PARP2: variants seen among roughly 807,000 people sequenced by gnomAD.
PARP2 encodes poly(ADP-ribose) polymerase 2.
Under a neutral mutation model 77.8 loss-of-function variants are expected in PARP2, and 57 were observed. That is an observed-to-expected ratio of 0.73 (90% CI 0.59 to 0.91). PARP2 has a LOEUF of 0.91. PARP2 is among the 40% of genes least tolerant of loss of function. PARP2 has a pLI of 0.00. For synonymous variants in PARP2, 226 were observed against 242.6 expected (o/e 0.93, Z 0.64); for missense variants, 651 against 689.0 (o/e 0.94, Z 0.62).
chr14:20,354,620 C>A (rs1387833514), intron 8 of PARP2, 189 bp from the exon 9 acceptor site: 1 of 585,458 alleles, frequency 1.7e-6, no homozygotes, highest in Non-Finnish European at 3.0e-6. Flanking sequence ...CACCGGAGCC[C>A]AGGAGGTTGA....
chr14:20,344,596 T>C (rs1368077047), intron 1 of PARP2, among the ~76,000 whole-genome samples: 1 of 152,140 alleles, frequency 6.6e-6, no homozygotes, highest in Non-Finnish European at 1.5e-5. Flanking sequence ...GCAGATCACT[T>C]GAGGTCACGA....
At chr14:20,346,321 C>CTT (rs71108595) in intron 3 of PARP2, among the ~76,000 whole-genome samples, 1,005 of 90,800 alleles carry the variant, frequency 0.011, 10 homozygotes, top group Non-Finnish European at 0.014. Context: ...CAGTTAGAAT[C>CTT]TTTTTTTTTT....
In PARP2 at chr14:20,356,327, A is replaced by G. The variant is rs758742046; in HGVS notation, c.1122A>G (p.Gln374=). Residue 374 remains glutamine (Q), a synonymous_variant, in exon 12 of 16, where the codon CAA becomes CAG. Transcript: ENST00000429687. The part of the protein sequence containing the change: ...YEFKVISQYL[Q]STHAPTHSDY... Reference sequence around the variant, plus strand: ...CACAGGTGATTTCCCAGTACCTACAATCTACCCATGCTCCCACACACAGCG... The same window carrying G: ...CACAGGTGATTTCCCAGTACCTACAGTCTACCCATGCTCCCACACACAGCG... 1.2e-6 allele frequency: 2 copies of G among 1,614,102 alleles called. No individual in the cohort carries two copies. The highest frequency in any genetic ancestry group is 1.3e-5 in the African/African-American group (1 of 75,052).
At chr14:20,356,224 G>C (rs1209396408) in intron 11 of PARP2, 83 bp from the exon 12 acceptor site, 1 of 1,532,764 alleles carries the variant, frequency 6.5e-7, no homozygotes, top group East Asian at 2.3e-5. Flanking sequence ...GGTCTGCCAA[G>C]TTATATCAGA....
At chr14:20,357,015 T>G (rs1238129063) in intron 13 of PARP2, 36 bp from the exon 14 acceptor site, 2 of 1,320,274 alleles carry the variant, frequency 1.5e-6, no homozygotes. Context: ...CACAGTGGGT[T>G]AGAAGCTGAC....
chr14:20,354,705 A>G, intron 8 of PARP2, 104 bp from the exon 9 acceptor site: 1 of 1,154,588 alleles, frequency 8.7e-7, no homozygotes, highest in Non-Finnish European at 1.2e-6. Context: ...AAAAACAGGA[A>G]AAAAAAAAGT....
At chr14:20,347,344 A>ATG (rs1491263339) in intron 4 of PARP2, among the ~76,000 whole-genome samples, 36 of 63,936 alleles carry the variant, frequency 5.6e-4, no homozygotes, top group African/African-American at 1.9e-3. Flanking sequence ...AAAGTCCTTC[A>ATG]TATGTGTGTG....
intron 7 of PARP2, 68 bp downstream of exon 7, chr14:20,352,415 CTG>C (rs1883990821): frequency 8.1e-6 from 8 of 982,554 alleles, no homozygotes; most frequent in African/African-American, 6.5e-5. Flanking sequence ...AGAGGCAAAA[CTG>C]TGCTCTGTTG....
At chr14:20,350,987 C>A in intron 5 of PARP2, 60 bp from the exon 6 acceptor site, 2 of 1,293,450 alleles carry the variant, frequency 1.5e-6, no homozygotes, top group East Asian at 2.3e-5. Context: ...GCAGAGAGAT[C>A]TTGGAGAGCT....
chr14:20,345,846 G>GGA (rs148327921), intron 3 of PARP2, among the ~76,000 whole-genome samples: 2 of 151,630 alleles, frequency 1.3e-5, no homozygotes, highest in East Asian at 1.9e-4. Context: ...CAAAAGCAGG[G>GGA]GAGAGAGAGA....
At chr14:20,350,743 G>T in intron 5 of PARP2, 121 bp downstream of exon 5, 1 of 664,304 alleles carries the variant, frequency 1.5e-6, no homozygotes, top group Middle Eastern at 2.5e-4. Flanking sequence ...GTCTGGGAGA[G>T]CCTTAGGAAT....
rs1198897809 is a variant in PARP2, at chr14:20,356,847, T to C, written c.1329+158T>C. The C allele has an allele frequency of 8.6e-6, 6 of 698,462 alleles. No homozygotes were observed. The East Asian group carries it at 1.6e-4, about 19-fold the overall frequency. 43.3% of individuals were successfully genotyped at this position (698,462 alleles called of 1,614,324 possible). On this transcript the variant is annotated intron_variant, in intron 13 of 15. Coordinates refer to ENST00000429687, the MANE Select transcript of PARP2 (RefSeq NM_001042618.2). ...ATCTCTTACTGTGTCCCTCTTTCTT[T>C]AAATTCCTAAAGATACCTCACCTTT...
rs768032372 is a variant in PARP2 at position 20,354,259 on chromosome 14, C to T, written c.763+12C>T. 9.4e-6 allele frequency: 15 copies of T among 1,599,800 alleles called. No homozygotes were observed. Among genetic ancestry groups the T allele is most frequent in the African/African-American group, 1.3e-5 (1 of 74,470 alleles). The stretch of plus-strand genomic sequence containing the variant: ...GAAAGCCCCACTTGGTAGGACTTCA[C>T]ATTTTCTTCTGCATTCTCTCCTTAT... On this transcript the variant is annotated intron_variant, in intron 8 of 15. Coordinates refer to ENST00000429687, the MANE Select transcript of PARP2 (RefSeq NM_001042618.2).
rs771483293 is a variant in PARP2 at position 20,351,034 on chromosome 14, A to T, written c.422-13A>T. 19 of 1,610,214 alleles carry T rather than the reference A, an allele frequency of 1.2e-5. No homozygotes were observed. Among genetic ancestry groups the T allele is most frequent in the Non-Finnish European group, 1.4e-5 (16 of 1,176,698 alleles). On this transcript the variant is annotated splice_polypyrimidine_tract_variant and intron_variant, in intron 5 of 15. Coordinates refer to ENST00000429687, the MANE Select transcript of PARP2 (RefSeq NM_001042618.2). ...CTTAGGGAACTATCTTATGTGTGGC[A>T]TTTCCTTTGCAGTTGGGAAAATGGG... is the stretch of plus-strand genomic sequence containing the variant.
Position 20,357,872 on chromosome 14 carries a change from G to A in PARP2, c.*75G>A. 1 of 1,365,248 alleles carries A rather than the reference G, an allele frequency of 7.3e-7. No individual in the cohort carries two copies. The highest frequency in any genetic ancestry group is 1.2e-5 in the South Asian group (1 of 80,086). 84.6% of individuals were successfully genotyped at this position (1,365,248 alleles called of 1,614,324 possible). A position where few individuals can be genotyped will look rare whatever the true frequency, so the allele number is the denominator to read the frequency against. ...GCAGTGTTGTACTTGTGAATTTTGT[G>A]ATATTTTATGTAATAAAAACTGTAC... On this transcript the variant is annotated 3_prime_UTR_variant, in exon 16 of 16. Coordinates refer to ENST00000429687, the MANE Select transcript of PARP2 (RefSeq NM_001042618.2).
At chr14:20,353,904 G>A (rs551626633) in intron 7 of PARP2, among the ~76,000 whole-genome samples, 181 bp from the exon 8 acceptor site, 7 of 152,182 alleles carry the variant, frequency 4.6e-5, no homozygotes, top group South Asian at 2.1e-4. Flanking sequence ...AATCAAAAAT[G>A]TTTGAAAAAT....
chr14:20,354,732 T>C, intron 8 of PARP2, 77 bp from the exon 9 acceptor site: 3 of 1,393,090 alleles, frequency 2.2e-6, no homozygotes, highest in Non-Finnish European at 1.9e-6. Context: ...ATGAAAGTCT[T>C]TTTTAGGGAA....
intron 9 of PARP2, 196 bp downstream of exon 9, chr14:20,355,143 A>C (rs1594302968): frequency 6.0e-6 from 3 of 503,782 alleles, no homozygotes. Flanking sequence ...CGGCTTGACC[A>C]CAGCCATATT....
At chr14:20,353,768 T>C (rs1884043303) in intron 7 of PARP2, among the ~76,000 whole-genome samples, 1 of 152,178 alleles carries the variant, frequency 6.6e-6, no homozygotes, top group African/African-American at 2.4e-5. Flanking sequence ...TGAGACATAA[T>C]AGCTGTCTTT....
Sources: allele counts gnomAD v4.1 joint callset (sites outside exome capture counted in the v4.1 genomes callset), GRCh38; gene constraint gnomAD v4.1.1; transcripts MANE v1.5; gene names NCBI Gene and HGNC (gene_info 2026-07-23, HGNC 2026-07-21).